DPYD: variants seen among roughly 807,000 people sequenced by gnomAD.
DPYD encodes dihydropyrimidine dehydrogenase [NADP(+)].
DPYD carries 109 observed loss-of-function variants against 116.2 expected under a neutral mutation model. The observed-to-expected ratio is 0.94, with a 90% confidence interval of 0.80 to 1.10. The LOEUF is 1.10. Among genes scored for constraint, DPYD ranks in the 50% least tolerant of loss-of-function variants. The pLI is 0.00. For synonymous variants in DPYD, 440 were observed against 432.0 expected, an observed-to-expected ratio of 1.02 and a Z score of -0.23; for missense variants, 1,302 against 1,254.5, an observed-to-expected ratio of 1.04 and a Z score of -0.57.
chr1:97,232,442 T>G (rs1661642198), intron 19 of DPYD, among the ~76,000 whole-genome samples: 1 of 152,182 alleles, frequency 6.6e-6, no homozygotes, highest in Non-Finnish European at 1.5e-5. Flanking sequence ...GGTTTATGTC[T>G]TTTGCAAAAA....
chr1:97,526,587 T>C (rs115023154), intron 12 of DPYD, among the ~76,000 whole-genome samples: 1,742 of 152,240 alleles, frequency 0.011, 15 homozygotes, highest in Non-Finnish European at 0.018. Flanking sequence ...GTAACATGAG[T>C]TCTTTTCCTA....
intron 3 of DPYD, among the ~76,000 whole-genome samples, chr1:97,741,111 T>C (rs991947633): frequency 3.9e-5 from 6 of 152,108 alleles, no homozygotes; most frequent in African/African-American, 7.2e-5. Context: ...CTGAAGAGAA[T>C]GGGCTCCAAC....
intron 18 of DPYD, among the ~76,000 whole-genome samples, chr1:97,272,546 G>A (rs529641082): frequency 7.9e-5 from 12 of 152,202 alleles, no homozygotes; most frequent in Middle Eastern, 3.4e-3. Flanking sequence ...AATCCCTTGA[G>A]TTATTTTTAA....
chr1:97,529,788 T>C (rs549868914), intron 12 of DPYD, among the ~76,000 whole-genome samples: 4 of 138,390 alleles, frequency 2.9e-5, no homozygotes, highest in Non-Finnish European at 5.9e-5. Context: ...TTTCTCTTTT[T>C]CTTTTTTCCC....
rs148637700 is a variant in DPYD, at chr1:97,470,352, A to C, written c.1741-20129T>G. On this transcript the variant is annotated intron_variant, in intron 13 of 22. Transcript: ENST00000370192. ...TCAAAAATTAATTGACACAGCCATT[A>C]AATAAGGTAAAATAAAAAAGTGTAT... Among the ~76,000 whole-genome samples, 648 of 152,334 alleles carry C rather than the reference A, an allele frequency of 4.3e-3. 7 individuals carry two copies. The highest frequency in any genetic ancestry group is 0.015 in the African/African-American group (631 of 41,568).
chr1:97,274,928 C>T (rs576930978), intron 18 of DPYD, among the ~76,000 whole-genome samples: 1 of 152,168 alleles, frequency 6.6e-6, no homozygotes, highest in South Asian at 2.1e-4. Context: ...GCACAGGATG[C>T]ATAAGATGCA....
chr1:97,155,826 A>G (rs1655406964), intron 20 of DPYD, among the ~76,000 whole-genome samples: 1 of 152,174 alleles, frequency 6.6e-6, no homozygotes, highest in African/African-American at 2.4e-5. Flanking sequence ...CGGTCTCACT[A>G]AATAAGACAG....
In DPYD at chr1:97,078,915, T is replaced by A; in HGVS notation, c.*61A>T. 1.9e-6 allele frequency: 3 copies of A among 1,572,122 alleles called. No individual in the cohort carries two copies. The highest frequency in any genetic ancestry group is 2.6e-6 in the Non-Finnish European group (3 of 1,142,078). ...AAGAGCTGAACACAAGGATCATGATTTTAAAAGATCAGCATATGTAGGTGA... is the reference window on the plus strand; with the variant it reads ...AAGAGCTGAACACAAGGATCATGATATTAAAAGATCAGCATATGTAGGTGA... On this transcript the variant is annotated 3_prime_UTR_variant, in exon 23 of 23. Coordinates refer to ENST00000370192, the MANE Select transcript of DPYD (RefSeq NM_000110.4).
At chr1:97,853,368 T>A (rs1670663007) in intron 2 of DPYD, among the ~76,000 whole-genome samples, 1 of 152,226 alleles carries the variant, frequency 6.6e-6, no homozygotes, top group South Asian at 2.1e-4. Context: ...CTCTGGGTAT[T>A]GTCATACTAA....
chr1:97,458,867 A>G (rs1411169959), intron 13 of DPYD, among the ~76,000 whole-genome samples: 1 of 152,172 alleles, frequency 6.6e-6, no homozygotes, highest in Admixed American at 6.5e-5. Context: ...ACCCTCTCTG[A>G]AAGAATTTAC....
chr1:97,083,742 C>T (rs1210182688), intron 21 of DPYD, among the ~76,000 whole-genome samples: 1 of 152,140 alleles, frequency 6.6e-6, no homozygotes, highest in Non-Finnish European at 1.5e-5. Context: ...TTCAGATTCT[C>T]TACTCACTGA....
At chr1:97,080,978 A>C (rs1210510694) in intron 22 of DPYD, among the ~76,000 whole-genome samples, 1 of 152,116 alleles carries the variant, frequency 6.6e-6, no homozygotes, top group East Asian at 1.9e-4. Context: ...GGACTTCCTG[A>C]TTGATCTCTG....
chr1:97,836,410 A>G (rs1050206769), intron 2 of DPYD, among the ~76,000 whole-genome samples: 4 of 152,174 alleles, frequency 2.6e-5, no homozygotes, highest in Non-Finnish European at 5.9e-5. Context: ...ATCTAGTTAA[A>G]ATATAGAAAA....
intron 3 of DPYD, among the ~76,000 whole-genome samples, chr1:97,810,487 C>T (rs1668301530): frequency 6.6e-6 from 1 of 151,846 alleles, no homozygotes; most frequent in African/African-American, 2.4e-5. Flanking sequence ...TGCAAAGAAA[C>T]ATTCTACTAA....
chr1:97,435,170 A>G (rs1023076978), intron 14 of DPYD, among the ~76,000 whole-genome samples: 6 of 151,850 alleles, frequency 4.0e-5, no homozygotes, highest in East Asian at 3.8e-4. Flanking sequence ...TCTCTCTAAC[A>G]TGGTTATGAA....
intron 20 of DPYD, among the ~76,000 whole-genome samples, chr1:97,169,383 T>C (rs1656555319): frequency 6.6e-6 from 1 of 152,134 alleles, no homozygotes; most frequent in Non-Finnish European, 1.5e-5. Flanking sequence ...TGTTTACAAA[T>C]TGGCATTCTC....
chr1:97,119,190 G>A (rs990956644), intron 20 of DPYD, among the ~76,000 whole-genome samples: 1 of 152,116 alleles, frequency 6.6e-6, no homozygotes, highest in Non-Finnish European at 1.5e-5. Context: ...TATAATTCTG[G>A]CTTATGAACA....
chr1:97,251,166 G>A (rs566530456), intron 18 of DPYD, among the ~76,000 whole-genome samples: 9 of 152,132 alleles, frequency 5.9e-5, no homozygotes, highest in African/African-American at 2.2e-4. Flanking sequence ...GGAGGCCAAG[G>A]CAGGTGGATG....
At chr1:97,914,483 C>CA (rs2101714323) in intron 1 of DPYD, among the ~76,000 whole-genome samples, 1 of 151,996 alleles carries the variant, frequency 6.6e-6, no homozygotes, top group South Asian at 2.1e-4. Flanking sequence ...ATGAGAATGC[C>CA]AAAAAATAAT....
Sources: gnomAD v4.1 joint callset for allele counts (sites outside exome capture counted in the v4.1 genomes callset) on GRCh38, gnomAD v4.1.1 for gene constraint, MANE v1.5 for transcripts, NCBI Gene and HGNC (gene_info 2026-07-23, HGNC 2026-07-21) for gene names.